VPS13B: variants seen among roughly 807,000 people sequenced by gnomAD.
VPS13B encodes vacuolar protein sorting 13 homolog B.
In VPS13B, 285 loss-of-function variants were observed where a neutral mutation model predicts 426.4. The ratio of observed to expected loss-of-function variants is 0.67; its 90% CI spans 0.61 to 0.74. The LOEUF is 0.74. Ranked by LOEUF, VPS13B falls within the 30% of genes least tolerant of loss-of-function variation. VPS13B has a pLI of 0.00. For missense variants in VPS13B, 4,537 were observed against 4,782.6 expected (o/e 0.95, Z 1.51); for synonymous variants, 1,676 against 1,676.4 (o/e 1.00, Z 0.01).
At chr8:99,557,039 A>G (rs559221404) in intron 31 of VPS13B, among the ~76,000 whole-genome samples, 1 of 152,286 alleles carries the variant, frequency 6.6e-6, no homozygotes, top group Non-Finnish European at 1.5e-5. Flanking sequence ...TACTCTGCAA[A>G]GTTATGTTTA....
At chr8:99,739,464 T>G (rs1333278503) in intron 39 of VPS13B, among the ~76,000 whole-genome samples, 1 of 152,190 alleles carries the variant, frequency 6.6e-6, no homozygotes, top group African/African-American at 2.4e-5. Flanking sequence ...CTGACAGCTT[T>G]GAAGAGAGTA....
chr8:99,588,023 T>C (rs1367089077), intron 33 of VPS13B, among the ~76,000 whole-genome samples: 1 of 151,788 alleles, frequency 6.6e-6, no homozygotes, highest in Non-Finnish European at 1.5e-5. Context: ...GGGATCTAGT[T>C]TCAGCTTTCT....
Position 99,835,733 on chromosome 8 carries a change from A to T in VPS13B, c.9937A>T (p.Thr3313Ser). The T allele has an allele frequency of 6.2e-7, 1 of 1,614,126 alleles. No homozygotes were observed. Among genetic ancestry groups the T allele is most frequent in the Non-Finnish European group, 8.5e-7 (1 of 1,179,992 alleles). The stretch of plus-strand genomic sequence containing the variant: ...TGCCATTGACATCAACAGTCAGGGA[A>T]CACAGGTCAGTGAGCCATGTGTTCC... ...SDAIDINSQG[T>S]QVVFLTGFGY... The change falls in exon 54 of 62, where the codon ACA becomes TCA. Residue 3313 changes from threonine (T) to serine (S), a missense_variant. By Grantham distance (58) the Thr-to-Ser change is moderately conservative (BLOSUM62 1). Coordinates refer to ENST00000357162, the MANE Select transcript of VPS13B (RefSeq NM_152564.5).
chr8:99,819,369 A>G (rs1354325651), intron 47 of VPS13B, 43 bp from the exon 48 acceptor site: 1 of 1,603,930 alleles, frequency 6.2e-7, no homozygotes, highest in East Asian at 2.2e-5. Context: ...ATACCACTTT[A>G]GAAATCTGAT....
At chr8:99,589,998 A>G (rs1266611642) in intron 33 of VPS13B, among the ~76,000 whole-genome samples, 1 of 152,180 alleles carries the variant, frequency 6.6e-6, no homozygotes, top group Non-Finnish European at 1.5e-5. Flanking sequence ...GCTATTAATT[A>G]CTGCCTCAAT....
chr8:99,112,463 C>A (rs2132485900), intron 6 of VPS13B, among the ~76,000 whole-genome samples: 1 of 151,744 alleles, frequency 6.6e-6, no homozygotes, highest in East Asian at 1.9e-4. Context: ...ATGTTTTTTT[C>A]TTGGTAGTGC....
intron 31 of VPS13B, among the ~76,000 whole-genome samples, chr8:99,568,293 A>ATT (rs1825289565): frequency 1.0e-5 from 1 of 99,252 alleles, no homozygotes. Context: ...TATTATTATT[A>ATT]TTATTATTTT....
intron 57 of VPS13B, among the ~76,000 whole-genome samples, chr8:99,860,797 GT>G (rs1415313934): frequency 6.6e-6 from 1 of 152,216 alleles, no homozygotes; most frequent in Non-Finnish European, 1.5e-5. Context: ...TGTGGCTATT[GT>G]GAGCAAATGC....
intron 19 of VPS13B, among the ~76,000 whole-genome samples, chr8:99,298,806 A>AT (rs1820183867): frequency 1.3e-5 from 2 of 152,122 alleles, no homozygotes; most frequent in Admixed American, 1.3e-4. Context: ...CCCAAGTGTT[A>AT]TTTTTTCATT....
chr8:99,367,419 G>T (rs1812950231), intron 19 of VPS13B, among the ~76,000 whole-genome samples: 3 of 152,014 alleles, frequency 2.0e-5, no homozygotes, highest in African/African-American at 7.2e-5. Context: ...TTGCTTTTAG[G>T]ATCCTTTCTT....
In VPS13B at chr8:99,778,804, T is replaced by C. The variant is rs1469528778; in HGVS notation, c.7552T>C (p.Cys2518Arg). The change falls in exon 42 of 62, where the codon TGT becomes CGT. Residue 2518 changes from cysteine to arginine, a missense_variant. Physicochemically the swap from Cys to Arg is radical, Grantham distance 180. Coordinates refer to ENST00000357162, the MANE Select transcript of VPS13B (RefSeq NM_152564.5). Reference protein sequence around the residue: ...YLRQWNNGSVCQEIQFLAQAD... With the variant: ...YLRQWNNGSVRQEIQFLAQAD... The stretch of plus-strand genomic sequence containing the variant: ...TCGACAGTGGAATAATGGTTCTGTC[T>C]GTCAGGAGATCCAGTTCTTAGCTCA... 6.2e-7 allele frequency: 1 copy of C among 1,614,002 alleles called. No individual in the cohort carries two copies. Among genetic ancestry groups the C allele is most frequent in the Admixed American group, 1.7e-5 (1 of 59,992 alleles).
At chr8:99,279,180 G>A (rs374384360) in intron 19 of VPS13B, among the ~76,000 whole-genome samples, 21 of 152,176 alleles carry the variant, frequency 1.4e-4, no homozygotes, top group Middle Eastern at 3.4e-3. Flanking sequence ...CAGAGGTTGC[G>A]GTGAGCCAAG....
chr8:99,272,465 A>G (rs997997001), intron 17 of VPS13B, among the ~76,000 whole-genome samples: 34 of 152,222 alleles, frequency 2.2e-4, no homozygotes, highest in Non-Finnish European at 1.3e-4. Flanking sequence ...GATAATGTAC[A>G]TAACACATAC....
intron 53 of VPS13B, 27 bp from the exon 54 acceptor site, chr8:99,835,512 C>A: frequency 6.2e-7 from 1 of 1,608,886 alleles, no homozygotes; most frequent in South Asian, 1.1e-5. Context: ...AGGGCTAATT[C>A]TGCATATGCC....
At chr8:99,110,236 CA>C (rs1847289747) in intron 5 of VPS13B, among the ~76,000 whole-genome samples, 1 of 152,092 alleles carries the variant, frequency 6.6e-6, no homozygotes. Context: ...AACTAAAACA[CA>C]TTTTATTGTT....
intron 7 of VPS13B, among the ~76,000 whole-genome samples, chr8:99,117,332 A>G (rs1396702991): frequency 1.3e-5 from 2 of 152,224 alleles, no homozygotes; most frequent in South Asian, 2.1e-4. Flanking sequence ...TGGAACTCAT[A>G]TAAGTTGTTG....
At chr8:99,478,410 ATT>A (rs375836786) in intron 24 of VPS13B, among the ~76,000 whole-genome samples, 7,349 of 68,250 alleles carry the variant, frequency 0.11, 275 homozygotes, top group African/African-American at 0.17. Flanking sequence ...TGAGCTCTTG[ATT>A]TTTTTTTTTT....
At chr8:99,337,438 C>T (rs1051770935) in intron 19 of VPS13B, among the ~76,000 whole-genome samples, 7 of 151,430 alleles carry the variant, frequency 4.6e-5, no homozygotes, top group South Asian at 2.1e-4. Context: ...GGGTGCAGCA[C>T]ACCAGCATGG....
intron 19 of VPS13B, among the ~76,000 whole-genome samples, chr8:99,281,662 A>G (rs1473356265): frequency 1.3e-5 from 2 of 152,212 alleles, no homozygotes; most frequent in East Asian, 3.9e-4. Context: ...GATAAGTAAT[A>G]AAGTCCTTAT....
Sources: gnomAD v4.1 joint callset for allele counts (sites outside exome capture counted in the v4.1 genomes callset) on GRCh38, gnomAD v4.1.1 for gene constraint, MANE v1.5 for transcripts, NCBI Gene and HGNC (gene_info 2026-07-23, HGNC 2026-07-21) for gene names.